The following DCAF1 variants were observed in gnomAD, a reference collection of about 807,000 sequenced individuals.
The protein encoded by DCAF1 is DDB1- and CUL4-associated factor 1.
Under a neutral mutation model 128.0 loss-of-function variants are expected in DCAF1, and 15 were observed. That is an observed-to-expected ratio of 0.12 (90% CI 0.08 to 0.18). The LOEUF (loss-of-function observed/expected upper bound fraction) is 0.18, where lower values mean the gene tolerates loss of function less well. Among genes scored for constraint, DCAF1 ranks in the 10% least tolerant of loss-of-function variants. The pLI is 1.00. For synonymous variants in DCAF1, 610 were observed against 603.0 expected (o/e 1.01, Z -0.17); for missense variants, 988 against 1,649.5 (o/e 0.60, Z 6.95).
At chr3:51,422,855 G>A (rs1699533391) in intron 13 of DCAF1, among the ~76,000 whole-genome samples, 1 of 151,952 alleles carries the variant, frequency 6.6e-6, no homozygotes, top group Admixed American at 6.6e-5. Context: ...CTTGAACCCA[G>A]GAGTTTGAGA....
intron 1 of DCAF1, among the ~76,000 whole-genome samples, chr3:51,498,027 G>C (rs1227191396): frequency 6.7e-5 from 8 of 119,488 alleles, no homozygotes; most frequent in Non-Finnish European, 3.3e-5. Flanking sequence ...TCCAGCCTGG[G>C]CAACACAGTG....
chr3:51,422,671 CAT>C (rs1329367248), intron 13 of DCAF1, among the ~76,000 whole-genome samples: 1 of 152,116 alleles, frequency 6.6e-6, no homozygotes, highest in Non-Finnish European at 1.5e-5. Context: ...TGATAAAAAA[CAT>C]AGAATAATCC....
intron 2 of DCAF1, among the ~76,000 whole-genome samples, chr3:51,491,802 G>A (rs1320590269): frequency 6.6e-6 from 1 of 151,830 alleles, no homozygotes; most frequent in Admixed American, 6.6e-5. Flanking sequence ...CTGAGACAGC[G>A]CCACTGCCCT....
At position 51,398,777 on chromosome 3, in the gene DCAF1, T is replaced by G; in HGVS notation, c.4516A>C (p.Asn1506His). The G allele has an allele frequency of 6.3e-7, 1 of 1,590,462 alleles. No homozygotes were observed. The highest frequency in any genetic ancestry group is 2.3e-5 in the East Asian group (1 of 44,266). ...DLEDDIILSL[N>H]E ...CAAGCAGTGATGGCTCCTCACTCAT[T>G]CAGAGATAAGATGATGTCATCTTCC... is the stretch of plus-strand genomic sequence containing the variant. Residue 1506 changes from asparagine (N) to histidine (H), a missense_variant, in exon 25 of 25, where the codon AAT becomes CAT. Physicochemically the swap from Asn to His is moderately conservative, Grantham distance 68. Around this residue, in one of 11 missense-constraint regions of DCAF1, gnomAD observed 97 missense variants for 134.5 expected, o/e 0.72. Coordinates refer to ENST00000684031, the MANE Select transcript of DCAF1 (RefSeq NM_001387579.1).
At chr3:51,493,954 G>A (rs1276678072) in intron 2 of DCAF1, among the ~76,000 whole-genome samples, 4 of 149,150 alleles carry the variant, frequency 2.7e-5, no homozygotes, top group Non-Finnish European at 5.9e-5. Flanking sequence ...CCAAGATTGC[G>A]CCACTGCACT....
intron 7 of DCAF1, 92 bp from the exon 8 acceptor site, chr3:51,441,989 A>G: frequency 1.3e-6 from 2 of 1,483,562 alleles, no homozygotes. Flanking sequence ...ATAACTGGAG[A>G]CTCATGCAGT....
downstream of DCAF1, chr3:51,396,206 C>T (rs996547212): frequency 1.2e-5 from 4 of 341,278 alleles, no homozygotes; most frequent in African/African-American, 8.5e-5. Flanking sequence ...TGAGACAGAA[C>T]CAAGTAAAAG....
chr3:51,439,469 T>C (rs1400580527), intron 9 of DCAF1, among the ~76,000 whole-genome samples: 1 of 126,306 alleles, frequency 7.9e-6, no homozygotes, highest in Non-Finnish European at 1.6e-5. Flanking sequence ...TGAGACAGAG[T>C]CTCACTCTGT....
chr3:51,434,274 T>A (rs1218455013), intron 9 of DCAF1, among the ~76,000 whole-genome samples: 1 of 152,030 alleles, frequency 6.6e-6, no homozygotes, highest in Non-Finnish European at 1.5e-5. Flanking sequence ...CAGTGGCGCA[T>A]GCCTGTAGTC....
chr3:51,413,111 G>C, intron 21 of DCAF1, 45 bp from the exon 22 acceptor site: 1 of 1,610,710 alleles, frequency 6.2e-7, no homozygotes, highest in Non-Finnish European at 8.5e-7. Flanking sequence ...CTATTGCTGT[G>C]ACCCTAAAAC....
At chr3:51,423,819 CAAAA>C (rs200404018) in intron 13 of DCAF1, among the ~76,000 whole-genome samples, 1 of 70,648 alleles carries the variant, frequency 1.4e-5, no homozygotes. Flanking sequence ...GACTCCGTTT[CAAAA>C]AAAAAAAAAA....
intron 6 of DCAF1, among the ~76,000 whole-genome samples, chr3:51,460,528 A>G (rs1703429144): frequency 6.6e-6 from 1 of 152,158 alleles, no homozygotes; most frequent in Non-Finnish European, 1.5e-5. Flanking sequence ...TCAAGCTACC[A>G]ATGACTTTCT....
chr3:51,504,336 A>G (rs1471120809), upstream of DCAF1, among the ~76,000 whole-genome samples: 3 of 150,404 alleles, frequency 2.0e-5, no homozygotes, highest in Non-Finnish European at 3.0e-5. Flanking sequence ...GCGCCTGGCA[A>G]CCCCTGAACT....
At chr3:51,494,723 T>A (rs1036755922) in intron 2 of DCAF1, among the ~76,000 whole-genome samples, 1 of 152,080 alleles carries the variant, frequency 6.6e-6, no homozygotes, top group African/African-American at 2.4e-5. Flanking sequence ...TAAAATTTTT[T>A]AATTTTTATT....
At chr3:51,434,337 G>A (rs1700637365) in intron 9 of DCAF1, among the ~76,000 whole-genome samples, 1 of 151,502 alleles carries the variant, frequency 6.6e-6, no homozygotes, top group African/African-American at 2.4e-5. Flanking sequence ...GGGAGTTCAA[G>A]GCTGTAGTGA....
At chr3:51,486,644 A>AT (rs1191621599) in intron 2 of DCAF1, among the ~76,000 whole-genome samples, 2 of 151,424 alleles carry the variant, frequency 1.3e-5, no homozygotes, top group African/African-American at 4.9e-5. Flanking sequence ...TTTTATTTTT[A>AT]TTTTTTTGAG....
intron 4 of DCAF1, among the ~76,000 whole-genome samples, chr3:51,467,728 A>C (rs1355198382): frequency 2.6e-5 from 4 of 152,210 alleles, no homozygotes; most frequent in African/African-American, 9.6e-5. Context: ...TAGCCTTCCC[A>C]TCTCCTAGCA....
downstream of DCAF1, chr3:51,396,666 C>T (rs969674371): frequency 6.0e-6 from 1 of 167,158 alleles, no homozygotes; most frequent in Non-Finnish European, 1.5e-5. Flanking sequence ...ATAAGGAAGA[C>T]AGCTGATGCC....
chr3:51,413,638 A>G (rs1698625195), intron 20 of DCAF1, among the ~76,000 whole-genome samples: 1 of 152,234 alleles, frequency 6.6e-6, no homozygotes, highest in Non-Finnish European at 1.5e-5. Context: ...TGTACTTACA[A>G]GGCTTATAAC....
Sources: allele counts gnomAD v4.1 joint callset (sites outside exome capture counted in the v4.1 genomes callset), GRCh38; gene constraint gnomAD v4.1.1; regional missense constraint gnomAD v4.1.1; transcripts MANE v1.5; gene names NCBI Gene and HGNC (gene_info 2026-07-23, HGNC 2026-07-21).